The following NXPH2 variants were observed in gnomAD, a reference collection of about 807,000 sequenced individuals.
NXPH2 encodes neurexophilin-2.
A neutral mutation model predicts 19.8 loss-of-function variants in NXPH2; 5 were observed. The observed-to-expected ratio is 0.25, with a 90% CI of 0.13 to 0.53. NXPH2 has a LOEUF of 0.53. Among genes scored for constraint, NXPH2 ranks in the 20% least tolerant of loss-of-function variants. The probability of loss-of-function intolerance (pLI) is 0.96; values close to 1 mark genes in which losing one functional copy is unlikely to be tolerated. For synonymous variants in NXPH2, 154 were observed against 127.4 expected (o/e 1.21, Z -1.41); for missense variants, 289 against 322.8 (o/e 0.90, Z 0.80).
intron 1 of NXPH2, among the ~76,000 whole-genome samples, chr2:138,717,820 A>G (rs1009823784): frequency 1.3e-5 from 2 of 152,206 alleles, no homozygotes; most frequent in African/African-American, 4.8e-5. Flanking sequence ...AATTCTAAAT[A>G]TTATCCTTAG....
intron 1 of NXPH2, among the ~76,000 whole-genome samples, chr2:138,693,001 G>C (rs73961506): frequency 6.6e-6 from 1 of 152,272 alleles, no homozygotes; most frequent in African/African-American, 2.4e-5. Flanking sequence ...TTTTTTAAAA[G>C]AAGATTCAAA....
At chr2:138,672,923 T>C (rs189733846) in intron 1 of NXPH2, among the ~76,000 whole-genome samples, 28 of 152,360 alleles carry the variant, frequency 1.8e-4, no homozygotes, top group African/African-American at 6.7e-4. Context: ...ATCTATTGTA[T>C]GTTCATAAAA....
intron 1 of NXPH2, among the ~76,000 whole-genome samples, chr2:138,778,117 T>C (rs1458279247): frequency 6.6e-6 from 1 of 152,180 alleles, no homozygotes; most frequent in African/African-American, 2.4e-5. Flanking sequence ...CCACTCTGTT[T>C]TCCTTTCACA....
intron 1 of NXPH2, among the ~76,000 whole-genome samples, chr2:138,769,605 C>T (rs1020996483): frequency 6.6e-6 from 1 of 152,142 alleles, no homozygotes; most frequent in Non-Finnish European, 1.5e-5. Context: ...GAGAACCACA[C>T]GCAGGCAGGA....
At chr2:138,714,841 A>G (rs894263207) in intron 1 of NXPH2, among the ~76,000 whole-genome samples, 2 of 152,254 alleles carry the variant, frequency 1.3e-5, no homozygotes, top group Admixed American at 6.5e-5. Flanking sequence ...TTCATGTCAA[A>G]TAATATAACA....
intron 1 of NXPH2, among the ~76,000 whole-genome samples, chr2:138,724,017 G>A (rs1681319403): frequency 6.7e-6 from 1 of 148,824 alleles, no homozygotes; most frequent in Non-Finnish European, 1.5e-5. Flanking sequence ...GGGATTTATT[G>A]TACAGATTAT....
chr2:138,686,819 T>A (rs140573642), intron 1 of NXPH2, among the ~76,000 whole-genome samples: 1 of 152,296 alleles, frequency 6.6e-6, no homozygotes, highest in Admixed American at 6.5e-5. Flanking sequence ...TTTTTGTCCT[T>A]GCAATAGTGT....
chr2:138,762,735 T>C (rs1682035787), intron 1 of NXPH2, among the ~76,000 whole-genome samples: 1 of 152,200 alleles, frequency 6.6e-6, no homozygotes, highest in Non-Finnish European at 1.5e-5. Flanking sequence ...CTTCATCAAA[T>C]GGAGACAGTG....
chr2:138,757,773 G>T (rs1681935930), intron 1 of NXPH2, among the ~76,000 whole-genome samples: 1 of 151,024 alleles, frequency 6.6e-6, no homozygotes, highest in South Asian at 2.1e-4. Context: ...GTGTGTGCAT[G>T]TGTGTATGTA....
At chr2:138,724,646 A>G (rs1010675313) in intron 1 of NXPH2, among the ~76,000 whole-genome samples, 5 of 152,248 alleles carry the variant, frequency 3.3e-5, no homozygotes, top group Admixed American at 6.5e-5. Flanking sequence ...GACACTGAGT[A>G]GCTCATAACA....
intron 1 of NXPH2, among the ~76,000 whole-genome samples, chr2:138,779,027 G>A (rs2104848068): frequency 6.6e-6 from 1 of 152,268 alleles, no homozygotes; most frequent in East Asian, 1.9e-4. Flanking sequence ...AAGTGCCTCT[G>A]CCTTAACAAT....
chr2:138,675,767 T>TA (rs563038964), intron 1 of NXPH2, among the ~76,000 whole-genome samples: 63 of 151,528 alleles, frequency 4.2e-4, no homozygotes, highest in East Asian at 3.9e-4. Flanking sequence ...ATTAGATTTC[T>TA]AAAAAAAAAT....
intron 1 of NXPH2, among the ~76,000 whole-genome samples, chr2:138,771,699 C>G (rs923737018): frequency 6.6e-6 from 1 of 152,070 alleles, no homozygotes; most frequent in East Asian, 1.9e-4. Context: ...CAGGGAAGAC[C>G]GAGATTATCT....
intron 1 of NXPH2, among the ~76,000 whole-genome samples, chr2:138,773,978 T>C (rs1051459475): frequency 3.9e-5 from 6 of 152,208 alleles, no homozygotes; most frequent in Non-Finnish European, 7.3e-5. Context: ...GTTTGTTTTA[T>C]TTTTAAAATT....
intron 1 of NXPH2, among the ~76,000 whole-genome samples, chr2:138,737,373 G>C (rs1462325243): frequency 6.6e-6 from 1 of 152,126 alleles, no homozygotes; most frequent in African/African-American, 2.4e-5. Context: ...CAAGCGAAAG[G>C]AGTTTCCCCT....
At chr2:138,774,001 C>G (rs568897931) in intron 1 of NXPH2, among the ~76,000 whole-genome samples, 41 of 152,318 alleles carry the variant, frequency 2.7e-4, no homozygotes, top group Admixed American at 7.8e-4. Flanking sequence ...GTAACATTTA[C>G]ATGTGAACTC....
At chr2:138,677,583 GA>G (rs1279218946) in intron 1 of NXPH2, among the ~76,000 whole-genome samples, 2 of 152,078 alleles carry the variant, frequency 1.3e-5, no homozygotes, top group Non-Finnish European at 2.9e-5. Context: ...TTTTAGGGGG[GA>G]AAAGCTGACA....
intron 1 of NXPH2, among the ~76,000 whole-genome samples, chr2:138,705,599 C>CTG (rs2104984687): frequency 6.6e-6 from 1 of 152,304 alleles, no homozygotes; most frequent in African/African-American, 2.4e-5. Context: ...TACACTATCA[C>CTG]TGCCAAGTTG....
chr2:138,680,384 A>G (rs1680554954), intron 1 of NXPH2, among the ~76,000 whole-genome samples: 1 of 152,240 alleles, frequency 6.6e-6, no homozygotes, highest in South Asian at 2.1e-4. Context: ...GAGACCCTCA[A>G]CCAGGTTCAC....
Sources: allele counts gnomAD v4.1 joint callset (sites outside exome capture counted in the v4.1 genomes callset), GRCh38; gene constraint gnomAD v4.1.1; transcripts MANE v1.5; gene names NCBI Gene and HGNC (gene_info 2026-07-23, HGNC 2026-07-21).